NRXN1: variants seen among roughly 807,000 people sequenced by gnomAD.
NRXN1 encodes the protein neurexin 1, also known as neurexin-1.
Under a neutral mutation model 150.9 loss-of-function variants are expected in NRXN1, and 39 were observed. The ratio of observed to expected loss-of-function variants is 0.26; its 90% CI spans 0.20 to 0.34. The LOEUF is 0.34. Among genes scored for constraint, NRXN1 ranks in the 10% least tolerant of loss-of-function variants. The pLI is 1.00. For synonymous variants in NRXN1, 924 were observed against 757.0 expected, an observed-to-expected ratio of 1.22 and a Z score of -3.62; for missense variants, 1,815 against 1,949.9, an observed-to-expected ratio of 0.93 and a Z score of 1.30.
intron 19 of NRXN1, among the ~76,000 whole-genome samples, chr2:50,067,622 A>G (rs1420704836): frequency 1.3e-5 from 2 of 152,208 alleles, no homozygotes; most frequent in Non-Finnish European, 2.9e-5. Flanking sequence ...CATACTAAAG[A>G]GTTATTTTGT....
intron 5 of NRXN1, among the ~76,000 whole-genome samples, chr2:50,727,538 G>C (rs1697538504): frequency 1.3e-5 from 2 of 151,958 alleles, no homozygotes; most frequent in South Asian, 2.1e-4. Flanking sequence ...AATAGATCAT[G>C]ATGATCCCCA....
At chr2:49,934,617 A>C (rs931036603) in intron 22 of NRXN1, among the ~76,000 whole-genome samples, 15 of 152,186 alleles carry the variant, frequency 9.9e-5, no homozygotes, top group African/African-American at 3.6e-4. Context: ...ATTAGAGGGA[A>C]GTGTGTCAAG....
intron 5 of NRXN1, among the ~76,000 whole-genome samples, chr2:50,895,917 A>G (rs1296501847): frequency 2.0e-5 from 3 of 151,888 alleles, no homozygotes; most frequent in Non-Finnish European, 4.4e-5. Context: ...TGACATTCCA[A>G]ACGATTATTA....
intron 18 of NRXN1, among the ~76,000 whole-genome samples, chr2:50,161,146 A>T (rs2602003): frequency 3.9e-5 from 6 of 152,084 alleles, no homozygotes; most frequent in African/African-American, 1.4e-4. Flanking sequence ...TAGTACTTCA[A>T]TGGTACTTTA....
chr2:50,857,213 T>C (rs984444586), intron 5 of NRXN1, among the ~76,000 whole-genome samples: 1 of 151,968 alleles, frequency 6.6e-6, no homozygotes, highest in African/African-American at 2.4e-5. Context: ...TCTGAGTCAA[T>C]ATTAAGAAAG....
At chr2:50,547,529 AAG>A (rs1278111420) in intron 9 of NRXN1, 2 of 152,212 alleles carry the variant, frequency 1.3e-5, no homozygotes, top group East Asian at 1.9e-4. Context: ...GAAGTCTGGA[AAG>A]AGAGAGACTG....
intron 2 of NRXN1, among the ~76,000 whole-genome samples, chr2:50,950,682 T>C (rs894950812): frequency 6.6e-6 from 1 of 152,182 alleles, no homozygotes; most frequent in African/African-American, 2.4e-5. Context: ...TGAAAAGCAA[T>C]AATTTTTGTA....
chr2:50,968,246 A>C (rs1285092798), intron 2 of NRXN1, among the ~76,000 whole-genome samples: 1 of 152,110 alleles, frequency 6.6e-6, no homozygotes, highest in East Asian at 1.9e-4. Context: ...AATATGATCC[A>C]CATCTCAAAG....
At chr2:50,912,193 T>TCA (rs1684620027) in intron 5 of NRXN1, 1 of 151,824 alleles carries the variant, frequency 6.6e-6, no homozygotes, top group Non-Finnish European at 1.5e-5. Context: ...TGACTGGGCA[T>TCA]TAGATCTTCT....
intron 17 of NRXN1, among the ~76,000 whole-genome samples, chr2:50,327,555 T>C (rs1298884587): frequency 6.6e-6 from 1 of 152,192 alleles, no homozygotes; most frequent in Non-Finnish European, 1.5e-5. Flanking sequence ...CATTGTTAAA[T>C]AGAAGTCAAA....
At chr2:50,999,537 A>C (rs1261563933) in intron 2 of NRXN1, among the ~76,000 whole-genome samples, 1 of 151,956 alleles carries the variant, frequency 6.6e-6, no homozygotes, top group Non-Finnish European at 1.5e-5. Context: ...CTGACATGTG[A>C]TGTCTCCCCC....
At chr2:50,814,651 A>T (rs2105785810) in intron 5 of NRXN1, among the ~76,000 whole-genome samples, 1 of 152,292 alleles carries the variant, frequency 6.6e-6, no homozygotes, top group Admixed American at 6.5e-5. Flanking sequence ...TGCCCAGTTA[A>T]CTTATACTTC....
At chr2:50,833,474 A>T (rs1218450505) in intron 5 of NRXN1, among the ~76,000 whole-genome samples, 1 of 152,218 alleles carries the variant, frequency 6.6e-6, no homozygotes, top group Non-Finnish European at 1.5e-5. Flanking sequence ...TACCAATAAA[A>T]AGGAGCAATC....
At chr2:50,105,674 G>A (rs542029148) in intron 18 of NRXN1, among the ~76,000 whole-genome samples, 26 of 151,970 alleles carry the variant, frequency 1.7e-4, no homozygotes, top group Non-Finnish European at 2.9e-5. Context: ...GCAAGGAAAT[G>A]AGAGATTTAG....
chr2:50,840,741 TC>T (rs1351064149), intron 5 of NRXN1, among the ~76,000 whole-genome samples: 1 of 152,160 alleles, frequency 6.6e-6, no homozygotes, highest in Non-Finnish European at 1.5e-5. Context: ...AGGGGATTCA[TC>T]ACAAATGATC....
chr2:50,153,832 G>C (rs934716028), intron 18 of NRXN1, among the ~76,000 whole-genome samples: 1 of 151,732 alleles, frequency 6.6e-6, no homozygotes, highest in African/African-American at 2.4e-5. Flanking sequence ...CCCCACCTCT[G>C]TATCTGCACC....
At chr2:50,968,040 T>C (rs1694380050) in intron 2 of NRXN1, among the ~76,000 whole-genome samples, 1 of 152,042 alleles carries the variant, frequency 6.6e-6, no homozygotes, top group Non-Finnish European at 1.5e-5. Flanking sequence ...AGGACTAGAT[T>C]AGAAATTTAT....
At chr2:50,140,217 C>A (rs1405888874) in intron 18 of NRXN1, among the ~76,000 whole-genome samples, 1 of 152,114 alleles carries the variant, frequency 6.6e-6, no homozygotes, top group African/African-American at 2.4e-5. Context: ...TGATTTATAT[C>A]AGTGAAGGCA....
At chr2:50,972,679 T>A (rs986898142) in intron 2 of NRXN1, among the ~76,000 whole-genome samples, 1 of 152,028 alleles carries the variant, frequency 6.6e-6, no homozygotes, top group African/African-American at 2.4e-5. Context: ...TGACAGATCA[T>A]CAGGTATCAG....
Sources: gnomAD v4.1 joint callset for allele counts (sites outside exome capture counted in the v4.1 genomes callset) on GRCh38, gnomAD v4.1.1 for gene constraint, MANE v1.5 for transcripts, NCBI Gene and HGNC (gene_info 2026-07-23, HGNC 2026-07-21) for gene names.